Variants in SLC28A1 observed in about 807,000 individuals in gnomAD.
SLC28A1 encodes solute carrier family 28 member 1.
In SLC28A1, 64 loss-of-function variants were observed where a neutral mutation model predicts 74.8. That is an observed-to-expected ratio of 0.86 (90% CI 0.70 to 1.05). The LOEUF (loss-of-function observed/expected upper bound fraction) is 1.05. SLC28A1 is among the 50% of genes least tolerant of loss of function. SLC28A1 has a pLI of 0.00. For synonymous variants in SLC28A1, 359 were observed against 335.0 expected, an observed-to-expected ratio of 1.07 and a Z score of -0.78; for missense variants, 828 against 822.8, an observed-to-expected ratio of 1.01 and a Z score of -0.08.
intron 12 of SLC28A1, among the ~76,000 whole-genome samples, chr15:84,928,293 C>G (rs1970733464): frequency 6.6e-6 from 1 of 152,052 alleles, no homozygotes; most frequent in Non-Finnish European, 1.5e-5. Context: ...AGAGGAAAAG[C>G]ACCTAACAAA....
the SLC28A1 span, among the ~76,000 whole-genome samples, chr15:84,970,533 TC>T: frequency 6.6e-6 from 1 of 152,070 alleles, no homozygotes; most frequent in African/African-American, 2.4e-5. Context: ...ACGGCTCAGC[TC>T]CTCCCCTCAC....
At position 84,931,966 on chromosome 15, in the gene SLC28A1, C is replaced by T. The variant is rs541996689; in HGVS notation, c.1084-1179C>T. On this transcript the variant is annotated intron_variant, in intron 12 of 18. Coordinates refer to ENST00000394573, the MANE Select transcript of SLC28A1 (RefSeq NM_004213.5). ...ACAGTGAGCCAAGATTGTACCGCTG[C>T]ACTCCAGCCTGGGCAACAGAGCAAG... 5.3e-5 allele frequency among the ~76,000 whole-genome samples: 8 copies of T among 151,986 alleles called. No individual in the cohort carries two copies. The South Asian group carries it at 1.7e-3, about 32-fold the overall frequency.
intron 1 of SLC28A1, 62 bp from the exon 2 acceptor site, chr15:84,886,610 G>A: frequency 1.0e-6 from 1 of 985,500 alleles, no homozygotes; most frequent in East Asian, 1.1e-4. Context: ...CTGGCCTCTG[G>A]GGAGGCGCTG....
At chr15:84,967,046 G>A in the SLC28A1 span, among the ~76,000 whole-genome samples, 1 of 152,150 alleles carries the variant, frequency 6.6e-6, no homozygotes, top group African/African-American at 2.4e-5. Context: ...CTCCTGAGTA[G>A]CTGGGATTAT....
rs74587666 is a variant in SLC28A1 at position 84,941,686 on chromosome 15, C to A, written c.1582-1759C>A. On this transcript the variant is annotated intron_variant, in intron 15 of 18. Transcript: ENST00000394573. Reference sequence around the variant, plus strand: ...GTCACTTGATGCCCGGAGTTTGAGACCAGCCTGGCCAACATGGCAAACAGG... The same window carrying A: ...GTCACTTGATGCCCGGAGTTTGAGAACAGCCTGGCCAACATGGCAAACAGG... Among the ~76,000 whole-genome samples, 896 of 152,142 alleles carry A rather than the reference C, an allele frequency of 5.9e-3. 11 individuals carry two copies. The highest frequency in any genetic ancestry group is 0.019 in the African/African-American group (809 of 41,506).
rs776874470 is a variant in SLC28A1 at position 84,935,430 on chromosome 15, T to C, written c.1493T>C (p.Phe498Ser). 2.5e-6 allele frequency: 4 copies of C among 1,614,212 alleles called. No individual in the cohort carries two copies. Among genetic ancestry groups the C allele is most frequent in the South Asian group, 1.1e-5 (1 of 91,088 alleles). ...LLGIKLFLNE[F>S]VAYQDLSKYK... ...GGGATCAAGCTGTTTCTGAACGAGT[T>C]TGTGGCCTATCAAGACCTCTCCAAG... Residue 498 changes from phenylalanine (F) to serine (S), a missense_variant, in exon 15 of 19, where the codon TTT becomes TCT. Physicochemically the swap from Phe to Ser is radical, Grantham distance 155. Around this residue, in one of 3 missense-constraint regions of SLC28A1, gnomAD observed 767 missense variants for 753.5 expected, o/e 1.02. Coordinates refer to ENST00000394573, the MANE Select transcript of SLC28A1 (RefSeq NM_004213.5).
chr15:84,922,473 A>G (rs941112498), intron 11 of SLC28A1, among the ~76,000 whole-genome samples: 1 of 152,034 alleles, frequency 6.6e-6, no homozygotes, highest in Non-Finnish European at 1.5e-5. Context: ...TGCGGCATCC[A>G]ATCTATCAGC....
chr15:84,921,417 G>T (rs183550712), intron 11 of SLC28A1, among the ~76,000 whole-genome samples: 1 of 152,190 alleles, frequency 6.6e-6, no homozygotes, highest in Non-Finnish European at 1.5e-5. Flanking sequence ...TATAAGCCAC[G>T]GCTTCAAATC....
chr15:84,960,066 C>T, the SLC28A1 span, among the ~76,000 whole-genome samples: 2 of 152,072 alleles, frequency 1.3e-5, 1 homozygote, highest in South Asian at 4.1e-4. Context: ...AGAGAAGAAT[C>T]TTCCAGTCTC....
At chr15:84,906,816 AT>A (rs1245102976) in intron 8 of SLC28A1, among the ~76,000 whole-genome samples, 1 of 152,122 alleles carries the variant, frequency 6.6e-6, no homozygotes, top group Non-Finnish European at 1.5e-5. Context: ...CCCTTTAAGT[AT>A]CATTAAATTC....
chr15:84,892,188 A>G (rs1965440878), intron 5 of SLC28A1, among the ~76,000 whole-genome samples: 1 of 152,252 alleles, frequency 6.6e-6, no homozygotes, highest in South Asian at 2.1e-4. Context: ...CACCTCTACA[A>G]AAAATTTTAA....
chr15:84,907,985 A>C (rs1967492371), intron 8 of SLC28A1, among the ~76,000 whole-genome samples: 1 of 152,150 alleles, frequency 6.6e-6, no homozygotes, highest in Non-Finnish European at 1.5e-5. Flanking sequence ...GATATAACAC[A>C]GGTCTCCTGT....
intron 15 of SLC28A1, among the ~76,000 whole-genome samples, chr15:84,937,151 T>G (rs1972036548): frequency 6.6e-6 from 1 of 152,062 alleles, no homozygotes. Context: ...TTTTTTTTTT[T>G]ACTTAGTATT....
intron 11 of SLC28A1, among the ~76,000 whole-genome samples, chr15:84,923,050 G>A (rs540692797): frequency 6.6e-6 from 1 of 152,308 alleles, no homozygotes; most frequent in South Asian, 2.1e-4. Context: ...CGATTCTCGT[G>A]CCTAAGCCTC....
Position 84,935,311 on chromosome 15 carries a change from G to C in SLC28A1, c.1384-10G>C. The C allele has an allele frequency of 6.2e-7, 1 of 1,614,144 alleles. No homozygotes were observed. Among genetic ancestry groups the C allele is most frequent in the Non-Finnish European group, 8.5e-7 (1 of 1,180,010 alleles). On this transcript the variant is annotated splice_polypyrimidine_tract_variant and intron_variant, in intron 14 of 18. Transcript: ENST00000394573. ...AGCCCTCGGTGCCAGCCATACCGTT[G>C]TGCCCTCAGCTCATCTGCTCCTACA...
intron 6 of SLC28A1, chr15:84,896,082 C>T (rs35160698): frequency 0.12 from 52,794 of 451,538 alleles, 3,345 homozygotes; most frequent in Non-Finnish European, 0.13. Context: ...AATGGTTTTC[C>T]GCTTGAGGGA....
chr15:84,893,071 C>A (rs547880306), intron 5 of SLC28A1, among the ~76,000 whole-genome samples: 1 of 151,996 alleles, frequency 6.6e-6, no homozygotes, highest in African/African-American at 2.4e-5. Context: ...CTGCCCAGAC[C>A]CCCCCAGCCT....
chr15:84,943,586 G>C, intron 16 of SLC28A1, 60 bp downstream of exon 16: 3 of 1,279,174 alleles, frequency 2.3e-6, no homozygotes, highest in Non-Finnish European at 3.4e-6. Context: ...ACTTGCTCGG[G>C]ACATGTAGGC....
chr15:84,964,026 C>G, the SLC28A1 span, among the ~76,000 whole-genome samples: 1 of 152,160 alleles, frequency 6.6e-6, no homozygotes, highest in South Asian at 2.1e-4. Flanking sequence ...ATGTGGCTGT[C>G]TTCTCTAGGA....
Sources: gnomAD v4.1 joint callset for allele counts (sites outside exome capture counted in the v4.1 genomes callset) on GRCh38, gnomAD v4.1.1 for gene constraint, gnomAD v4.1.1 regional missense constraint, MANE v1.5 for transcripts, NCBI Gene and HGNC (gene_info 2026-07-23, HGNC 2026-07-21) for gene names.